Variants in TSNARE1 observed in about 807,000 individuals in gnomAD.
TSNARE1 encodes t-SNARE domain containing 1.
In TSNARE1, 49 loss-of-function variants were observed where a neutral mutation model predicts 62.0. The observed-to-expected ratio is 0.79, with a 90% CI of 0.63 to 1.00. TSNARE1 has a LOEUF of 1.00. Ranked by LOEUF, TSNARE1 falls within the 50% of genes least tolerant of loss-of-function variation. The probability of loss-of-function intolerance (pLI) is 0.00; values close to 1 mark genes in which losing one functional copy is unlikely to be tolerated. For missense variants in TSNARE1, 755 were observed against 700.1 expected, an observed-to-expected ratio of 1.08 and a Z score of -0.88; for synonymous variants, 328 against 294.4, an observed-to-expected ratio of 1.11 and a Z score of -1.17.
intron 13 of TSNARE1, among the ~76,000 whole-genome samples, chr8:142,221,180 C>A (rs1024407957): frequency 3.3e-5 from 5 of 152,184 alleles, no homozygotes; most frequent in Non-Finnish European, 7.3e-5. Context: ...TTCTTTGTGG[C>A]GCTGTGGCGA....
chr8:142,333,809 T>C (rs1831384495), intron 4 of TSNARE1, among the ~76,000 whole-genome samples: 1 of 152,168 alleles, frequency 6.6e-6, no homozygotes. Context: ...GCCGCACTCA[T>C]GGCAAGGCCT....
At chr8:142,220,402 C>T (rs1249727280) in intron 13 of TSNARE1, among the ~76,000 whole-genome samples, 1 of 152,156 alleles carries the variant, frequency 6.6e-6, no homozygotes, top group Non-Finnish European at 1.5e-5. Flanking sequence ...AGGGCAAACT[C>T]CATCTGCCTG....
At chr8:142,401,087 GGAAGGTGACTCCCCAACTCCGCCCA>G (rs1838258044) in intron 1 of TSNARE1, among the ~76,000 whole-genome samples, 3 of 152,156 alleles carry the variant, frequency 2.0e-5, no homozygotes, top group Non-Finnish European at 4.4e-5. Context: ...CTCCCCACCT[GGAAGGTGACTCCCCAACTCCGCCCA>G]CCTGGAAGGT....
At chr8:142,395,521 C>T (rs1365377682) in intron 1 of TSNARE1, among the ~76,000 whole-genome samples, 2 of 152,174 alleles carry the variant, frequency 1.3e-5, no homozygotes, top group African/African-American at 2.4e-5. Flanking sequence ...CATGGAGCAC[C>T]GCAGATGCCA....
chr8:142,253,279 C>G (rs560352870), intron 12 of TSNARE1, among the ~76,000 whole-genome samples: 1 of 152,198 alleles, frequency 6.6e-6, no homozygotes, highest in Non-Finnish European at 1.5e-5. Context: ...GGCCACCTCC[C>G]GAGCACAAGC....
chr8:142,245,551 G>C (rs1586835698), intron 12 of TSNARE1, among the ~76,000 whole-genome samples: 1 of 152,248 alleles, frequency 6.6e-6, no homozygotes, highest in East Asian at 1.9e-4. Flanking sequence ...GATGACAAAA[G>C]GCCAGTCTCA....
At chr8:142,388,012 A>G (rs1837222518) in intron 1 of TSNARE1, among the ~76,000 whole-genome samples, 1 of 152,240 alleles carries the variant, frequency 6.6e-6, no homozygotes, top group South Asian at 2.1e-4. Flanking sequence ...TCAATTAAAT[A>G]TCAGCAAAAA....
At position 142,296,917 on chromosome 8, in the gene TSNARE1, C is replaced by T. The variant is rs145591693; in HGVS notation, c.1290+3569G>A. 3.9e-3 allele frequency among the ~76,000 whole-genome samples: 601 copies of T among 152,252 alleles called. 5 individuals carry two copies. Among genetic ancestry groups the T allele is most frequent in the African/African-American group, 0.014 (568 of 41,534 alleles). The stretch of plus-strand genomic sequence containing the variant: ...GGCTGGCCTGCTCTCCACTGTCTCC[C>T]GTGGGTGGCCTCTCAAGCCAGCCTC... On this transcript the variant is annotated intron_variant, in intron 10 of 13. Coordinates refer to ENST00000524325, the MANE Select transcript of TSNARE1 (RefSeq NM_145003.5).
At chr8:142,239,131 C>T (rs1817571304) in intron 12 of TSNARE1, among the ~76,000 whole-genome samples, 1 of 152,290 alleles carries the variant, frequency 6.6e-6, no homozygotes, top group South Asian at 2.1e-4. Context: ...TGAAGGCCTA[C>T]AGGAGAGAAA....
chr8:142,281,395 A>G (rs772784123), intron 11 of TSNARE1, among the ~76,000 whole-genome samples: 4 of 151,934 alleles, frequency 2.6e-5, no homozygotes, highest in Non-Finnish European at 5.9e-5. Context: ...AAAGACACCA[A>G]AACACAGCAG....
intron 10 of TSNARE1, among the ~76,000 whole-genome samples, chr8:142,285,514 TGATGGATG>T (rs1375655475): frequency 7.0e-6 from 1 of 141,858 alleles, no homozygotes; most frequent in African/African-American, 2.7e-5. Flanking sequence ...GGTGGGTAGA[TGATGGATG>T]GATGGATGAG....
At chr8:142,326,318 C>T (rs1264970735) in intron 6 of TSNARE1, 1 of 131,784 alleles carries the variant, frequency 7.6e-6, no homozygotes, top group Non-Finnish European at 1.6e-5. Context: ...AAGGGGAGGG[C>T]CCCAGAGACC....
chr8:142,234,343 G>C (rs1391212431), intron 12 of TSNARE1, among the ~76,000 whole-genome samples: 1 of 148,548 alleles, frequency 6.7e-6, no homozygotes, highest in African/African-American at 2.5e-5. Context: ...CCCAACCATG[G>C]GTTCAGGGAA....
At position 142,345,897 on chromosome 8, in the gene TSNARE1, G is replaced by A. The variant is rs1276768924; in HGVS notation, c.89-5C>T. ...CGGTCCAACATCTAGCGCACTCTAC[G>A]GACAGCAAGGGACAGTCACGATTAC... On this transcript the variant is annotated splice_region_variant and splice_polypyrimidine_tract_variant and intron_variant, in intron 2 of 13. Transcript: ENST00000524325. 14 of 1,611,298 alleles carry A rather than the reference G, an allele frequency of 8.7e-6. No individual in the cohort carries two copies. Among genetic ancestry groups the A allele is most frequent in the Middle Eastern group, 1.7e-4 (1 of 6,052 alleles).
At chr8:142,320,557 G>A (rs867196698) in intron 6 of TSNARE1, among the ~76,000 whole-genome samples, 1 of 151,768 alleles carries the variant, frequency 6.6e-6, no homozygotes, top group Non-Finnish European at 1.5e-5. Context: ...TCCTGTACCT[G>A]CAACTTCACC....
chr8:142,316,051 C>T (rs1315110610), intron 7 of TSNARE1, among the ~76,000 whole-genome samples: 1 of 152,236 alleles, frequency 6.6e-6, no homozygotes, highest in Non-Finnish European at 1.5e-5. Context: ...CTCAGAATCG[C>T]AACCCTCCAC....
intron 11 of TSNARE1, chr8:142,279,738 G>A (rs1821101577): frequency 1.1e-5 from 4 of 357,106 alleles, no homozygotes; most frequent in African/African-American, 2.2e-5. Flanking sequence ...TGGGCCTCTG[G>A]GTCTCCCTCG....
chr8:142,363,866 G>A (rs993011724), intron 1 of TSNARE1, among the ~76,000 whole-genome samples: 23 of 152,288 alleles, frequency 1.5e-4, no homozygotes, highest in Non-Finnish European at 1.9e-4. Flanking sequence ...GGTGCCTTGC[G>A]TCTGGTCACA....
chr8:142,335,627 T>C (rs528243344), intron 4 of TSNARE1, among the ~76,000 whole-genome samples: 1 of 146,796 alleles, frequency 6.8e-6, no homozygotes, highest in South Asian at 2.2e-4. Context: ...AGAAAGAAAA[T>C]AAAAAGGGGG....
Sources: gnomAD v4.1 joint callset for allele counts (sites outside exome capture counted in the v4.1 genomes callset) on GRCh38, gnomAD v4.1.1 for gene constraint, MANE v1.5 for transcripts, NCBI Gene and HGNC (gene_info 2026-07-23, HGNC 2026-07-21) for gene names.